The following POMGNT2 variants were observed in gnomAD, a reference collection of about 807,000 sequenced individuals.
POMGNT2 encodes protein O-linked-mannose beta-1,4-N-acetylglucosaminyltransferase 2.
POMGNT2 carries 32 observed loss-of-function variants against 37.8 expected under a neutral mutation model. That is an observed-to-expected ratio of 0.85 (90% CI 0.64 to 1.14). The LOEUF (loss-of-function observed/expected upper bound fraction) is 1.14. Ranked by LOEUF, POMGNT2 falls within the 50% of genes most tolerant of loss-of-function variation. The pLI is 0.00. For synonymous variants in POMGNT2, 340 were observed against 336.8 expected, an observed-to-expected ratio of 1.01 and a Z score of -0.10; for missense variants, 705 against 780.6, an observed-to-expected ratio of 0.90 and a Z score of 1.15.
intron 1 of POMGNT2, among the ~76,000 whole-genome samples, chr3:43,101,040 C>A (rs1399270332): frequency 6.6e-6 from 1 of 152,214 alleles, no homozygotes; most frequent in Non-Finnish European, 1.5e-5. Flanking sequence ...GAAGCCCCTG[C>A]ACCCATGGTG....
rs780964337 is a variant in POMGNT2 at position 43,080,995 on chromosome 3, G to A, written c.437C>T (p.Pro146Leu). Reference protein sequence around the residue: ...PAAALRFMPKPVFVPDVALIA... With the variant: ...PAAALRFMPKLVFVPDVALIA... ...GAGGGCCACGTCTGGCACGAACACCGGCTTGGGCATGAAGCGCAGGGCAGC... is the reference window on the plus strand; with the variant it reads ...GAGGGCCACGTCTGGCACGAACACCAGCTTGGGCATGAAGCGCAGGGCAGC... The change falls in exon 2 of 2, where the codon CCG (proline) becomes CTG (leucine). Residue 146 changes from proline to leucine, a missense_variant. By Grantham distance (98) the Pro-to-Leu change is moderately conservative (BLOSUM62 -3). Transcript: ENST00000344697. 16 of 1,614,116 alleles carry A rather than the reference G, an allele frequency of 9.9e-6. No individual in the cohort carries two copies. The highest frequency in any genetic ancestry group is 1.6e-4 in the Middle Eastern group (1 of 6,084).
chr3:43,102,437 G>A (rs775779874), intron 1 of POMGNT2, among the ~76,000 whole-genome samples: 1 of 152,196 alleles, frequency 6.6e-6, no homozygotes, highest in African/African-American at 2.4e-5. Context: ...TCTCTTAGAG[G>A]TGCTGGAGTA....
chr3:43,105,412 C>T (rs1391534817), intron 1 of POMGNT2, among the ~76,000 whole-genome samples: 1 of 152,218 alleles, frequency 6.6e-6, no homozygotes, highest in East Asian at 1.9e-4. Context: ...CCCAGGCCCG[C>T]TCCGCGCACC....
chr3:43,101,682 C>T (rs2090020039), intron 1 of POMGNT2, among the ~76,000 whole-genome samples: 1 of 152,200 alleles, frequency 6.6e-6, no homozygotes, highest in African/African-American at 2.4e-5. Flanking sequence ...TTTTGCGATA[C>T]TCAGCAAGGC....
At chr3:43,099,827 T>C (rs2090004790) in intron 1 of POMGNT2, among the ~76,000 whole-genome samples, 1 of 152,146 alleles carries the variant, frequency 6.6e-6, no homozygotes, top group Non-Finnish European at 1.5e-5. Flanking sequence ...ATTACCACCA[T>C]GTCACCCTCA....
chr3:43,081,693 T>C (rs2089858083), intron 1 of POMGNT2, among the ~76,000 whole-genome samples, 157 bp from the exon 2 acceptor site: 1 of 152,248 alleles, frequency 6.6e-6, no homozygotes, highest in Admixed American at 6.5e-5. Flanking sequence ...CGTGGTAGAT[T>C]AGACCATTGT....
At chr3:43,091,867 T>G (rs2089946499) in intron 1 of POMGNT2, among the ~76,000 whole-genome samples, 3 of 152,256 alleles carry the variant, frequency 2.0e-5, no homozygotes, top group Non-Finnish European at 4.4e-5. Context: ...GTTCTAGCTC[T>G]GAATAAGGTC....
At position 43,080,367 on chromosome 3, in the gene POMGNT2, C is replaced by G. The variant is rs376867102; in HGVS notation, c.1065G>C (p.Leu355=). ...HGAQLVTTLF[L]PRGATVVELF... ...GCTCTACCACAGTTGCCCCACGGGG[C>G]AGGAAGAGGGTGGTGACCAGCTGGG... The change falls in exon 2 of 2, where the codon CTG becomes CTC. Residue 355 remains leucine (L), a synonymous_variant. Coordinates refer to ENST00000344697, the MANE Select transcript of POMGNT2 (RefSeq NM_032806.6). The G allele has an allele frequency of 1.2e-6, 2 of 1,614,036 alleles. No individual in the cohort carries two copies. The highest frequency in any genetic ancestry group is 1.3e-5 in the African/African-American group (1 of 74,914).
At chr3:43,087,168 T>G (rs1296366686) in intron 1 of POMGNT2, among the ~76,000 whole-genome samples, 2 of 152,218 alleles carry the variant, frequency 1.3e-5, no homozygotes, top group Non-Finnish European at 2.9e-5. Context: ...TGCTGACACC[T>G]CAATCTTAGA....
In POMGNT2 at chr3:43,080,664, G is replaced by A; in HGVS notation, c.768C>T (p.Asn256=). 6.2e-7 allele frequency: 1 copy of A among 1,614,232 alleles called. No homozygotes were observed. Among genetic ancestry groups the A allele is most frequent in the Non-Finnish European group, 8.5e-7 (1 of 1,180,026 alleles). Reference sequence around the variant, plus strand: ...GGATCTCATTGCCTGAGACGAGGATGTTGGCCTTCGGGCCCTGGGGCTGCA... The same window carrying A: ...GGATCTCATTGCCTGAGACGAGGATATTGGCCTTCGGGCCCTGGGGCTGCA... ...GFVQPQGPKA[N]ILVSGNEIRQ... is the part of the protein sequence containing the mutation. The change falls in exon 2 of 2, where the codon AAC becomes AAT. Residue 256 remains asparagine, a synonymous_variant. Transcript: ENST00000344697.
chr3:43,099,506 C>T (rs538640372), intron 1 of POMGNT2, among the ~76,000 whole-genome samples: 1 of 152,318 alleles, frequency 6.6e-6, no homozygotes, highest in Non-Finnish European at 1.5e-5. Context: ...GGCCTCCAAG[C>T]CATGGGCAGT....
chr3:43,079,667 A>T lies in POMGNT2; in HGVS notation c.*22T>A, dbSNP rs751429504. 2 of 1,591,308 alleles carry T rather than the reference A, an allele frequency of 1.3e-6. No individual in the cohort carries two copies. The highest frequency in any genetic ancestry group is 2.3e-5 in the South Asian group (2 of 87,204). ...CTGAACTGCAGGAGCCACCTTCCCG[A>T]GGCCAGGCTGTGGCCTGCTCGCTAC... On this transcript the variant is annotated 3_prime_UTR_variant, in exon 2 of 2. Coordinates refer to ENST00000344697, the MANE Select transcript of POMGNT2 (RefSeq NM_032806.6).
At chr3:43,099,057 T>C (rs1315630197) in intron 1 of POMGNT2, among the ~76,000 whole-genome samples, 1 of 151,910 alleles carries the variant, frequency 6.6e-6, no homozygotes, top group Non-Finnish European at 1.5e-5. Flanking sequence ...AACAGAACGG[T>C]GGGAACCTCT....
chr3:43,083,622 T>C (rs1054943947), intron 1 of POMGNT2, among the ~76,000 whole-genome samples: 3 of 152,256 alleles, frequency 2.0e-5, no homozygotes, highest in African/African-American at 7.2e-5. Context: ...TCTACTGGTA[T>C]TGACATTTTA....
chr3:43,102,577 C>G (rs907419439), intron 1 of POMGNT2, among the ~76,000 whole-genome samples: 1 of 152,190 alleles, frequency 6.6e-6, no homozygotes, highest in Non-Finnish European at 1.5e-5. Flanking sequence ...TTACTGAGCA[C>G]CTACTATGCG....
In POMGNT2 at chr3:43,080,530, A is replaced by G; in HGVS notation, c.902T>C (p.Leu301Pro). 6.2e-7 allele frequency: 1 copy of G among 1,614,236 alleles called. No individual in the cohort carries two copies. The highest frequency in any genetic ancestry group is 1.1e-5 in the South Asian group (1 of 91,088). Reference sequence around the variant, plus strand: ...TGCCAGCAGCAGCTCTGCCTCATTCAGAATGAGTCTGTTCTGGGTTCGGCT... The same window carrying G: ...TGCCAGCAGCAGCTCTGCCTCATTCGGAATGAGTCTGTTCTGGGTTCGGCT... Reference protein sequence around the residue: ...VFSRTQNRLILNEAELLLALA... With the variant: ...VFSRTQNRLIPNEAELLLALA... Residue 301 changes from leucine to proline, a missense_variant, in exon 2 of 2, where the codon CTG becomes CCG. Transcript: ENST00000344697.
intron 1 of POMGNT2, among the ~76,000 whole-genome samples, chr3:43,103,439 A>C (rs1429255700): frequency 6.6e-6 from 1 of 151,928 alleles, no homozygotes; most frequent in Admixed American, 6.5e-5. Flanking sequence ...CTCACCCAGC[A>C]CTGCCCCCTC....
At chr3:43,089,412 C>T (rs935780453) in intron 1 of POMGNT2, among the ~76,000 whole-genome samples, 10 of 152,162 alleles carry the variant, frequency 6.6e-5, no homozygotes, top group African/African-American at 2.2e-4. Context: ...ATGGATGGTT[C>T]ACAAGGAGAA....
chr3:43,087,009 G>A (rs539911479), intron 1 of POMGNT2, among the ~76,000 whole-genome samples: 40 of 152,274 alleles, frequency 2.6e-4, no homozygotes, highest in Middle Eastern at 3.4e-3. Flanking sequence ...AAGGACACAC[G>A]GAGAAACAGA....
Sources: gnomAD v4.1 joint callset for allele counts (sites outside exome capture counted in the v4.1 genomes callset) on GRCh38, gnomAD v4.1.1 for gene constraint, MANE v1.5 for transcripts, NCBI Gene and HGNC (gene_info 2026-07-23, HGNC 2026-07-21) for gene names.